The following ZSWIM5 variants were observed in gnomAD, a reference collection of about 807,000 sequenced individuals.
ZSWIM5 encodes the protein zinc finger SWIM-type containing 5, also known as zinc finger SWIM domain-containing protein 5.
Under a neutral mutation model 119.6 loss-of-function variants are expected in ZSWIM5, and 55 were observed. The observed-to-expected ratio is 0.46, with a 90% CI of 0.37 to 0.58. The LOEUF (loss-of-function observed/expected upper bound fraction) is 0.58. ZSWIM5 is among the 20% of genes least tolerant of loss of function. ZSWIM5 has a pLI of 0.00. For synonymous variants in ZSWIM5, 537 were observed against 606.9 expected (o/e 0.88, Z 1.69); for missense variants, 1,193 against 1,512.8 (o/e 0.79, Z 3.51).
intron 1 of ZSWIM5, among the ~76,000 whole-genome samples, chr1:45,174,407 G>T (rs1645963849): frequency 6.6e-6 from 1 of 151,866 alleles, no homozygotes; most frequent in Non-Finnish European, 1.5e-5. Flanking sequence ...TAGGTAATTG[G>T]AGGAGTACTC....
At chr1:45,203,302 C>A (rs1461583569) in intron 1 of ZSWIM5, among the ~76,000 whole-genome samples, 1 of 151,976 alleles carries the variant, frequency 6.6e-6, no homozygotes, top group Non-Finnish European at 1.5e-5. Context: ...ACTCTTTCCA[C>A]AAGTTTTTGT....
In ZSWIM5 at chr1:45,018,147, T is replaced by C; in HGVS notation, c.*307A>G. 2.5e-6 allele frequency: 1 copy of C among 406,996 alleles called. No individual in the cohort carries two copies. Among genetic ancestry groups the C allele is most frequent in the Non-Finnish European group, 4.5e-6 (1 of 223,932 alleles). 25.2% of individuals were successfully genotyped at this position (406,996 alleles called of 1,614,324 possible). On this transcript the variant is annotated 3_prime_UTR_variant, in exon 14 of 14. Coordinates refer to ENST00000359600, the MANE Select transcript of ZSWIM5 (RefSeq NM_020883.2). This position sits in a 1 kb window ranked among gnomAD's most constrained non-coding sequence, Gnocchi z 6.7. ...CTGAGATGGAACAGTGTTCTGTGTT[T>C]GCCAAGGGAGACAGGGCCAATGCTC...
intron 11 of ZSWIM5, among the ~76,000 whole-genome samples, chr1:45,031,486 TC>T (rs1331815279): frequency 6.6e-6 from 1 of 151,894 alleles, no homozygotes; most frequent in Non-Finnish European, 1.5e-5. Flanking sequence ...ACCTGTCTGC[TC>T]TCATTTTTAT....
At chr1:45,078,833 T>A (rs1460910200) in intron 2 of ZSWIM5, among the ~76,000 whole-genome samples, 1 of 152,112 alleles carries the variant, frequency 6.6e-6, no homozygotes, top group East Asian at 1.9e-4. Flanking sequence ...AAAAAAACCT[T>A]AGCTGTTCAC....
intron 11 of ZSWIM5, 66 bp downstream of exon 11, chr1:45,034,246 C>A: frequency 6.7e-7 from 1 of 1,503,450 alleles, no homozygotes; most frequent in South Asian, 1.4e-5. Flanking sequence ...CAGGCCAAGC[C>A]TTTGACATGC....
At chr1:45,123,469 TA>T (rs1645604852) in intron 1 of ZSWIM5, among the ~76,000 whole-genome samples, 1 of 151,594 alleles carries the variant, frequency 6.6e-6, no homozygotes, top group African/African-American at 2.4e-5. Flanking sequence ...ATAACTGAAA[TA>T]AAAAAATGTA....
chr1:45,174,719 CA>C (rs1645969024), intron 1 of ZSWIM5, among the ~76,000 whole-genome samples: 1 of 151,806 alleles, frequency 6.6e-6, no homozygotes, highest in South Asian at 2.1e-4. Flanking sequence ...CAGCCTGGGC[CA>C]CAGAGCAAGA....
At chr1:45,199,751 A>C (rs1244089376) in intron 1 of ZSWIM5, among the ~76,000 whole-genome samples, 1 of 152,238 alleles carries the variant, frequency 6.6e-6, no homozygotes. Context: ...TTCACTGTTT[A>C]TAACTTCCTC....
At chr1:45,154,268 C>CA (rs527618632) in intron 1 of ZSWIM5, among the ~76,000 whole-genome samples, 3 of 151,936 alleles carry the variant, frequency 2.0e-5, no homozygotes, top group East Asian at 1.9e-4. Context: ...CATATGGAAC[C>CA]AAAAAAGAGC....
chr1:45,140,668 C>G (rs1326875243), intron 1 of ZSWIM5, among the ~76,000 whole-genome samples: 1 of 152,202 alleles, frequency 6.6e-6, no homozygotes, highest in African/African-American at 2.4e-5. Flanking sequence ...TGATCATACA[C>G]TGCCTACAAC....
In ZSWIM5 at chr1:45,094,028, TA is replaced by T. The variant is rs1557763568; in HGVS notation, c.596-5792del. Reference sequence around the variant, plus strand: ...CCTGGCTAATTTTTATTTTTATATTTATTTATTTATTTATTTATTTATTTAT... The same window carrying T: ...CCTGGCTAATTTTTATTTTTATATTTTTTATTTATTTATTTATTTATTTAT... On this transcript the variant is annotated intron_variant, in intron 1 of 13. Transcript: ENST00000359600. Among the ~76,000 whole-genome samples, 5 of 2,128 alleles carry T rather than the reference TA, an allele frequency of 2.3e-3. No individual in the cohort carries two copies. The Non-Finnish European group carries it at 0.029, about 13-fold the overall frequency. 1.4% of individuals were successfully genotyped at this position (2,128 alleles called of 152,430 possible).
chr1:45,067,618 G>A (rs1289003401), intron 2 of ZSWIM5, among the ~76,000 whole-genome samples: 3 of 152,154 alleles, frequency 2.0e-5, no homozygotes, highest in African/African-American at 7.2e-5. Context: ...TCACAGTAGA[G>A]GACAGCATTA....
chr1:45,086,789 A>T (rs1645332604), intron 2 of ZSWIM5, among the ~76,000 whole-genome samples: 1 of 152,026 alleles, frequency 6.6e-6, no homozygotes, highest in Non-Finnish European at 1.5e-5. Context: ...AATAAAAAAT[A>T]AAAAAAATAA....
At chr1:45,037,504 G>A (rs1205184458) in intron 8 of ZSWIM5, among the ~76,000 whole-genome samples, 1 of 152,218 alleles carries the variant, frequency 6.6e-6, no homozygotes, top group South Asian at 2.1e-4. Context: ...GTAATTGTCT[G>A]TTTTTGTTTC....
chr1:45,153,102 A>G (rs1645807042), intron 1 of ZSWIM5, among the ~76,000 whole-genome samples: 2 of 151,626 alleles, frequency 1.3e-5, no homozygotes, highest in African/African-American at 2.4e-5. Context: ...TTAAAAAAAA[A>G]AAAAAAAAGA....
At chr1:45,051,457 A>G (rs1645088098) in intron 4 of ZSWIM5, among the ~76,000 whole-genome samples, 1 of 152,042 alleles carries the variant, frequency 6.6e-6, no homozygotes, top group African/African-American at 2.4e-5. Flanking sequence ...TCTTATTTCA[A>G]TCTGTGTGCC....
intron 1 of ZSWIM5, among the ~76,000 whole-genome samples, chr1:45,146,725 T>TAC (rs150690468): frequency 0.069 from 10,453 of 151,252 alleles, 451 homozygotes; most frequent in Non-Finnish European, 0.1. Flanking sequence ...CTTTATAGAC[T>TAC]ACACACACAC....
At chr1:45,034,227 A>C in intron 11 of ZSWIM5, 85 bp downstream of exon 11, 3 of 1,434,590 alleles carry the variant, frequency 2.1e-6, no homozygotes, top group Non-Finnish European at 2.8e-6. Flanking sequence ...TCTCTTTCTC[A>C]GGAGACTGCA....
At chr1:45,131,266 C>T (rs1645654803) in intron 1 of ZSWIM5, among the ~76,000 whole-genome samples, 1 of 152,076 alleles carries the variant, frequency 6.6e-6, no homozygotes, top group South Asian at 2.1e-4. Flanking sequence ...CATTTGGGAT[C>T]TCTTTACATT....
Sources: gnomAD v4.1 joint callset for allele counts (sites outside exome capture counted in the v4.1 genomes callset) on GRCh38, gnomAD v4.1.1 for gene constraint, Gnocchi (gnomAD v3.1) non-coding constraint, MANE v1.5 for transcripts, NCBI Gene and HGNC (gene_info 2026-07-23, HGNC 2026-07-21) for gene names.